The following CAMK1D variants were observed in gnomAD, a reference collection of about 807,000 sequenced individuals.
The protein encoded by CAMK1D is calcium/calmodulin dependent protein kinase ID.
Under a neutral mutation model 47.7 loss-of-function variants are expected in CAMK1D, and 9 were observed. That is an observed-to-expected ratio of 0.19 (90% CI 0.11 to 0.33). CAMK1D has a LOEUF of 0.33. CAMK1D is among the 10% of genes least tolerant of loss of function. CAMK1D has a pLI of 1.00. For synonymous variants in CAMK1D, 184 were observed against 184.9 expected, an observed-to-expected ratio of 0.99 and a Z score of 0.04; for missense variants, 291 against 488.7, an observed-to-expected ratio of 0.60 and a Z score of 3.81.
intron 3 of CAMK1D, among the ~76,000 whole-genome samples, chr10:12,675,030 C>CAAAAAA (rs771350871): frequency 1.1e-4 from 6 of 53,226 alleles, no homozygotes; most frequent in Admixed American, 2.0e-4. Context: ...GACTCCATCT[C>CAAAAAA]AAAAAAAAAA....
At chr10:12,473,041 G>A (rs761558247) in intron 1 of CAMK1D, among the ~76,000 whole-genome samples, 2 of 152,180 alleles carry the variant, frequency 1.3e-5, no homozygotes, top group Non-Finnish European at 2.9e-5. Flanking sequence ...CGGAAGTCAG[G>A]AAAGCTGTAG....
chr10:12,521,671 A>G (rs1356840325), intron 1 of CAMK1D, among the ~76,000 whole-genome samples: 1 of 152,138 alleles, frequency 6.6e-6, no homozygotes, highest in East Asian at 1.9e-4. Context: ...TCTATTTGTT[A>G]CCAAGAAAGG....
chr10:12,387,950 G>A (rs1838583164), intron 1 of CAMK1D, among the ~76,000 whole-genome samples: 1 of 152,156 alleles, frequency 6.6e-6, no homozygotes, highest in Non-Finnish European at 1.5e-5. Context: ...GCTGTCATGA[G>A]TGAGTGAGCA....
chr10:12,535,635 G>T (rs1263767324), intron 1 of CAMK1D, among the ~76,000 whole-genome samples: 3 of 152,180 alleles, frequency 2.0e-5, no homozygotes, highest in Non-Finnish European at 2.9e-5. Context: ...ACATGGACAG[G>T]TTTACTCTGA....
intron 1 of CAMK1D, among the ~76,000 whole-genome samples, chr10:12,363,099 C>T (rs967658545): frequency 2.0e-5 from 3 of 151,724 alleles, no homozygotes; most frequent in Non-Finnish European, 4.4e-5. Flanking sequence ...CGCCAGCACA[C>T]CCAGCTAATT....
At chr10:12,658,080 G>A (rs1214002063) in intron 2 of CAMK1D, among the ~76,000 whole-genome samples, 1 of 152,020 alleles carries the variant, frequency 6.6e-6, no homozygotes, top group Non-Finnish European at 1.5e-5. Flanking sequence ...CCCAGGAGGT[G>A]GAGGTTGCAG....
intron 2 of CAMK1D, among the ~76,000 whole-genome samples, chr10:12,584,355 G>A (rs1328472683): frequency 6.6e-6 from 1 of 152,228 alleles, no homozygotes; most frequent in Non-Finnish European, 1.5e-5. Context: ...ATGACTCGGA[G>A]GAGGAGAGAT....
intron 2 of CAMK1D, among the ~76,000 whole-genome samples, chr10:12,594,921 C>G (rs964652479): frequency 6.6e-6 from 1 of 152,048 alleles, no homozygotes; most frequent in South Asian, 2.1e-4. Flanking sequence ...GATCCACTTG[C>G]GGAAAGCAGA....
intron 1 of CAMK1D, among the ~76,000 whole-genome samples, chr10:12,401,757 A>G (rs2131917728): frequency 6.6e-6 from 1 of 152,058 alleles, no homozygotes; most frequent in South Asian, 2.1e-4. Context: ...AAGCTGGTAG[A>G]CCAGCTTTGG....
At chr10:12,423,795 G>A (rs1437301964) in intron 1 of CAMK1D, among the ~76,000 whole-genome samples, 1 of 152,186 alleles carries the variant, frequency 6.6e-6, no homozygotes, top group African/African-American at 2.4e-5. Flanking sequence ...TGACTAAGTT[G>A]GTTGTTCTGA....
chr10:12,593,347 C>T (rs1406619197), intron 2 of CAMK1D, among the ~76,000 whole-genome samples: 1 of 152,062 alleles, frequency 6.6e-6, no homozygotes, highest in Non-Finnish European at 1.5e-5. Flanking sequence ...CCCAGCACTT[C>T]GGGAGGCCAA....
At chr10:12,811,163 G>C (rs1036837755) in intron 6 of CAMK1D, among the ~76,000 whole-genome samples, 5 of 152,114 alleles carry the variant, frequency 3.3e-5, no homozygotes, top group African/African-American at 1.2e-4. Flanking sequence ...ATTGGGAAAG[G>C]CATTATTGCC....
intron 1 of CAMK1D, 119 bp from the exon 2 acceptor site, chr10:12,553,106 T>G (rs1172472398): frequency 1.2e-5 from 18 of 1,547,806 alleles, no homozygotes; most frequent in Non-Finnish European, 1.6e-5. Context: ...AAAGTAACAG[T>G]AATGCTTACA....
chr10:12,682,894 A>T (rs938645846), intron 3 of CAMK1D, among the ~76,000 whole-genome samples: 15 of 151,772 alleles, frequency 9.9e-5, no homozygotes, highest in Admixed American at 9.2e-4. Flanking sequence ...TCTTTGGAAA[A>T]TTTCTATTTT....
At chr10:12,558,426 T>C (rs1248052414) in intron 2 of CAMK1D, among the ~76,000 whole-genome samples, 2 of 152,080 alleles carry the variant, frequency 1.3e-5, no homozygotes, top group African/African-American at 4.8e-5. Context: ...TTGTGGCGCA[T>C]ACCTATAATC....
intron 6 of CAMK1D, among the ~76,000 whole-genome samples, chr10:12,799,225 C>T (rs1162789039): frequency 6.6e-6 from 1 of 152,182 alleles, no homozygotes; most frequent in South Asian, 2.1e-4. Context: ...TTGCCGTCCA[C>T]GTTCCAAGGG....
At chr10:12,732,025 C>T (rs1037114314) in intron 3 of CAMK1D, among the ~76,000 whole-genome samples, 9 of 152,046 alleles carry the variant, frequency 5.9e-5, no homozygotes, top group South Asian at 2.1e-4. Flanking sequence ...GGGTGGGTCA[C>T]GAGGCCAGGA....
chr10:12,387,381 T>TATATATAA, intron 1 of CAMK1D, among the ~76,000 whole-genome samples: 1 of 33,088 alleles, frequency 3.0e-5, no homozygotes, highest in Admixed American at 5.6e-4. Context: ...ATATTATATA[T>TATATATAA]TATATATATT....
intron 3 of CAMK1D, among the ~76,000 whole-genome samples, chr10:12,736,623 T>C (rs1304918920): frequency 6.6e-6 from 1 of 152,206 alleles, no homozygotes; most frequent in East Asian, 1.9e-4. Flanking sequence ...CTAGTTCATA[T>C]GCTTAGGTAG....
Sources: allele counts gnomAD v4.1 joint callset (sites outside exome capture counted in the v4.1 genomes callset), GRCh38; gene constraint gnomAD v4.1.1; transcripts MANE v1.5; gene names NCBI Gene and HGNC (gene_info 2026-07-23, HGNC 2026-07-21).